ELF2: variants seen among roughly 807,000 people sequenced by gnomAD.
The protein encoded by ELF2 is ETS-related transcription factor Elf-2.
ELF2 carries 11 observed loss-of-function variants against 54.8 expected under a neutral mutation model. The observed-to-expected ratio is 0.20, with a 90% CI of 0.13 to 0.33. ELF2 has a LOEUF of 0.33. Ranked by LOEUF, ELF2 falls within the 10% of genes least tolerant of loss-of-function variation. The pLI is 1.00. For synonymous variants in ELF2, 203 were observed against 245.1 expected (o/e 0.83, Z 1.61); for missense variants, 513 against 703.0 (o/e 0.73, Z 3.06).
rs548967459 is a variant in ELF2 at position 139,089,558 on chromosome 4, G to T, written c.239-15991C>A. ...TTTACATACGTATGTGTTTGTGTATGTATCCCTGAATGACATACAGTATTA... is the reference window on the plus strand; with the variant it reads ...TTTACATACGTATGTGTTTGTGTATTTATCCCTGAATGACATACAGTATTA... On this transcript the variant is annotated intron_variant, in intron 4 of 9. Coordinates refer to ENST00000686138, the MANE Select transcript of ELF2 (RefSeq NM_001331036.3). 2.6e-4 allele frequency among the ~76,000 whole-genome samples: 40 copies of T among 152,104 alleles called. 1 individual carries two copies. Among genetic ancestry groups the T allele is most frequent in the African/African-American group, 7.2e-5 (3 of 41,426 alleles).
intron 1 of ELF2, among the ~76,000 whole-genome samples, chr4:139,161,063 T>C (rs1741091517): frequency 6.6e-6 from 1 of 152,196 alleles, no homozygotes; most frequent in Non-Finnish European, 1.5e-5. Context: ...TGCCTAGATA[T>C]GTTTAGGAGT....
intron 4 of ELF2, among the ~76,000 whole-genome samples, chr4:139,111,686 G>A (rs79672474): frequency 0.019 from 2,877 of 152,208 alleles, 51 homozygotes; most frequent in Non-Finnish European, 0.033. Flanking sequence ...AATGGGCATG[G>A]ACAATGGATA....
Position 139,086,172 on chromosome 4 carries a change from G to A in ELF2, c.239-12605C>T, listed in dbSNP as rs5028970. Among the ~76,000 whole-genome samples, 924 of 151,696 alleles carry A rather than the reference G, an allele frequency of 6.1e-3. 12 individuals are homozygous for A. The highest frequency in any genetic ancestry group is 0.021 in the African/African-American group (889 of 41,354). On this transcript the variant is annotated intron_variant, in intron 4 of 9. Coordinates refer to ENST00000686138, the MANE Select transcript of ELF2 (RefSeq NM_001331036.3). ...AATGGGAAGTTAAAAGAGAAAAATGGAAGAAAAAAGTTTTGAGAAGTGAAT... is the reference window on the plus strand; with the variant it reads ...AATGGGAAGTTAAAAGAGAAAAATGAAAGAAAAAAGTTTTGAGAAGTGAAT...
chr4:139,158,836 GAC>G (rs1200804676), intron 1 of ELF2, among the ~76,000 whole-genome samples: 1 of 152,126 alleles, frequency 6.6e-6, no homozygotes, highest in East Asian at 1.9e-4. Flanking sequence ...CTCTATTCTT[GAC>G]AGAGTCCTTT....
At chr4:139,174,004 A>T (rs551580858) in intron 1 of ELF2, among the ~76,000 whole-genome samples, 11 of 150,852 alleles carry the variant, frequency 7.3e-5, no homozygotes, top group Non-Finnish European at 1.5e-4. Context: ...CGGGCGGATC[A>T]CGAGGTCAGG....
intron 4 of ELF2, among the ~76,000 whole-genome samples, chr4:139,124,439 G>T (rs1266007627): frequency 6.6e-6 from 1 of 152,040 alleles, no homozygotes; most frequent in Non-Finnish European, 1.5e-5. Context: ...AAATAGTAAA[G>T]AATTTTTACT....
In ELF2 at chr4:139,152,891, CTTTTT is replaced by C. The variant is rs34208004; in HGVS notation, c.-251-13399_-251-13395del. ...CAGCATCAATAACAATAGTGTCATA[CTTTTT>C]TTTTTTTTTTTTTTTTTGAGACAGA... On this transcript the variant is annotated intron_variant, in intron 1 of 9. Transcript: ENST00000686138. Among the ~76,000 whole-genome samples, 4 of 104,060 alleles carry C rather than the reference CTTTTT, an allele frequency of 3.8e-5. No homozygotes were observed. In the South Asian group the frequency reaches 9.6e-4, roughly 25 times the overall value. The allele number at this position is 104,060 out of a possible 152,430, so 68.3% of individuals were successfully genotyped here.
Position 139,058,436 on chromosome 4 carries a change from C to T in ELF2, c.*547G>A, listed in dbSNP as rs1016954863. The stretch of plus-strand genomic sequence containing the variant: ...ATATATATATATATATATATAAAAT[C>T]GCACTAGATCTTTTTTTGCTATCCT... On this transcript the variant is annotated 3_prime_UTR_variant, in exon 10 of 10. Coordinates refer to ENST00000686138, the MANE Select transcript of ELF2 (RefSeq NM_001331036.3). The T allele has an allele frequency of 1.4e-5, 2 of 145,828 alleles. No homozygotes were observed. Among genetic ancestry groups the T allele is most frequent in the South Asian group, 4.3e-4 (2 of 4,704 alleles). The allele number at this position is 145,828 out of a possible 1,614,324, so 9.0% of individuals were successfully genotyped here. A position where few individuals can be genotyped will look rare whatever the true frequency, so the allele number is the denominator to read the frequency against.
At chr4:139,112,812 C>T (rs1735096289) in intron 4 of ELF2, among the ~76,000 whole-genome samples, 1 of 152,008 alleles carries the variant, frequency 6.6e-6, no homozygotes, top group African/African-American at 2.4e-5. Context: ...CTCTGAATCA[C>T]TTGAACCAGG....
chr4:139,066,725 T>TA (rs1211713042), intron 7 of ELF2: 2,333 of 135,304 alleles, frequency 0.017, 32 homozygotes, highest in African/African-American at 0.04. Context: ...CCCCATCTCT[T>TA]AAAAAAAAAA....
chr4:139,172,368 T>C (rs1742394291), intron 1 of ELF2, among the ~76,000 whole-genome samples: 1 of 152,216 alleles, frequency 6.6e-6, no homozygotes, highest in Non-Finnish European at 1.5e-5. Context: ...TTGAGTGCCA[T>C]TCTGAGCAGC....
In ELF2 at chr4:139,058,072, G is replaced by A. The variant is rs1727269203; in HGVS notation, c.*911C>T. On this transcript the variant is annotated 3_prime_UTR_variant, in exon 10 of 10. Coordinates refer to ENST00000686138, the MANE Select transcript of ELF2 (RefSeq NM_001331036.3). ...GAGCTACCTGCCAAAAATTCATGCTGAGCCTGAACTTCCAAGTGACAGCAG... is the reference window on the plus strand; with the variant it reads ...GAGCTACCTGCCAAAAATTCATGCTAAGCCTGAACTTCCAAGTGACAGCAG... 6.6e-6 allele frequency: 1 copy of A among 152,398 alleles called. No individual in the cohort carries two copies. Among genetic ancestry groups the A allele is most frequent in the Admixed American group, 6.6e-5 (1 of 15,254 alleles). The allele number at this position is 152,398 out of a possible 1,614,324, so 9.4% of individuals were successfully genotyped here.
At position 139,125,318 on chromosome 4, in the gene ELF2, C is replaced by G. The variant is rs1439251235; in HGVS notation, c.84G>C (p.Lys28Asn). 3 of 1,605,684 alleles carry G rather than the reference C, an allele frequency of 1.9e-6. No homozygotes were observed. The East Asian group carries it at 6.7e-5, about 36-fold the overall frequency. Reference sequence around the variant, plus strand: ...CAATCACTGCTGGATATTCAGAAACCTTTTCACTTTCCTATAAGAGCAAAT... The same window carrying G: ...CAATCACTGCTGGATATTCAGAAACGTTTTCACTTTCCTATAAGAGCAAAT... Reference protein sequence around the residue: ...NGVENQEESEKVSEYPAVIVE... With the variant: ...NGVENQEESENVSEYPAVIVE... Residue 28 changes from lysine to asparagine, a missense_variant, in exon 4 of 10, where the codon AAG (lysine) becomes AAC (asparagine). Coordinates refer to ENST00000686138, the MANE Select transcript of ELF2 (RefSeq NM_001331036.3).
chr4:139,156,637 TTGTTGTTGC>T (rs1295195068), intron 1 of ELF2, among the ~76,000 whole-genome samples: 1 of 135,948 alleles, frequency 7.4e-6, no homozygotes, highest in Admixed American at 7.2e-5. Context: ...GTTGTTGTTG[TTGTTGTTGC>T]TGTTGTTGTT....
chr4:139,058,640 C>T lies in ELF2; in HGVS notation c.*343G>A, dbSNP rs947071520. ...ACAATGAGATTACCCATCCCAACCC[C>T]TCCCACTGAAAACTATATAACCTCT... On this transcript the variant is annotated 3_prime_UTR_variant, in exon 10 of 10. Coordinates refer to ENST00000686138, the MANE Select transcript of ELF2 (RefSeq NM_001331036.3). 2 of 205,736 alleles carry T rather than the reference C, an allele frequency of 9.7e-6. No individual in the cohort carries two copies. The highest frequency in any genetic ancestry group is 1.8e-3 in the Middle Eastern group (1 of 546). 12.7% of individuals were successfully genotyped at this position (205,736 alleles called of 1,614,324 possible). A position where few individuals can be genotyped will look rare whatever the true frequency, so the allele number is the denominator to read the frequency against.
At chr4:139,084,989 C>T (rs183830723) in intron 4 of ELF2, among the ~76,000 whole-genome samples, 40 of 152,268 alleles carry the variant, frequency 2.6e-4, no homozygotes, top group Non-Finnish European at 5.6e-4. Flanking sequence ...ACAGAACACA[C>T]CAACCTCTGG....
intron 4 of ELF2, chr4:139,084,260 G>A (rs1157738157): frequency 1.2e-6 from 2 of 1,606,164 alleles, no homozygotes; most frequent in Admixed American, 1.7e-5. Flanking sequence ...AGGGGAGGAG[G>A]CGGAACCCGC....
At chr4:139,166,247 G>C (rs1408157944) in intron 1 of ELF2, among the ~76,000 whole-genome samples, 1 of 152,078 alleles carries the variant, frequency 6.6e-6, no homozygotes, top group Non-Finnish European at 1.5e-5. Context: ...AATTAGCCAA[G>C]GTAGTAGTGT....
At chr4:139,059,720 T>C in intron 9 of ELF2, 113 bp from the exon 10 acceptor site, 1 of 1,276,160 alleles carries the variant, frequency 7.8e-7, no homozygotes, top group South Asian at 1.5e-5. Flanking sequence ...TGCTCCCAAA[T>C]TTTACAGAGG....
Sources: gnomAD v4.1 joint callset for allele counts (sites outside exome capture counted in the v4.1 genomes callset) on GRCh38, gnomAD v4.1.1 for gene constraint, MANE v1.5 for transcripts, NCBI Gene and HGNC (gene_info 2026-07-23, HGNC 2026-07-21) for gene names.